The following TDRD5 variants were observed in gnomAD, a reference collection of about 807,000 sequenced individuals.
The protein encoded by TDRD5 is tudor domain-containing protein 5.
TDRD5 carries 41 observed loss-of-function variants against 120.6 expected under a neutral mutation model. The ratio of observed to expected loss-of-function variants is 0.34; its 90% CI spans 0.26 to 0.44. The LOEUF is 0.44. Ranked by LOEUF, TDRD5 falls within the 20% of genes least tolerant of loss-of-function variation. TDRD5 has a pLI of 1.00. For synonymous variants in TDRD5, 430 were observed against 433.7 expected, an observed-to-expected ratio of 0.99 and a Z score of 0.11; for missense variants, 1,006 against 1,221.2, an observed-to-expected ratio of 0.82 and a Z score of 2.63.
chr1:179,649,517 C>A (rs1026198367), intron 11 of TDRD5, among the ~76,000 whole-genome samples: 2 of 152,038 alleles, frequency 1.3e-5, no homozygotes, highest in African/African-American at 2.4e-5. Context: ...TGATCTGTTA[C>A]TGAATTAACC....
chr1:179,636,093 T>G (rs1299246510), intron 9 of TDRD5, among the ~76,000 whole-genome samples: 3 of 152,190 alleles, frequency 2.0e-5, no homozygotes, highest in Non-Finnish European at 4.4e-5. Flanking sequence ...GAAAATAACT[T>G]TTTGTTTAAA....
chr1:179,635,645 A>ATT lies in TDRD5; in HGVS notation c.1300-13_1300-12dup, dbSNP rs538293367. The ATT allele has an allele frequency of 9.9e-6, 15 of 1,518,122 alleles. No individual in the cohort carries two copies. In the South Asian group the frequency reaches 1.4e-4, roughly 14 times the overall value. 94.0% of individuals were successfully genotyped at this position (1,518,122 alleles called of 1,614,324 possible). A position where few individuals can be genotyped will look rare whatever the true frequency, so the allele number is the denominator to read the frequency against. On this transcript the variant is annotated intron_variant, in intron 8 of 17. Coordinates refer to ENST00000444136, the MANE Select transcript of TDRD5 (RefSeq NM_001199085.3). ...TTGAAATGTCACCAAGAGATTTTTAATTTTTTTTTTCTAACTTATAGCAAG... is the reference window on the plus strand; with the variant it reads ...TTGAAATGTCACCAAGAGATTTTTAATTTTTTTTTTTTCTAACTTATAGCAAG...
At chr1:179,618,360 A>G (rs1676668293) in intron 4 of TDRD5, among the ~76,000 whole-genome samples, 1 of 152,218 alleles carries the variant, frequency 6.6e-6, no homozygotes, top group Non-Finnish European at 1.5e-5. Context: ...AATAATTGTT[A>G]GAGAATGTTT....
intron 11 of TDRD5, among the ~76,000 whole-genome samples, chr1:179,641,680 T>TA (rs1409325342): frequency 6.6e-6 from 1 of 152,234 alleles, no homozygotes; most frequent in Non-Finnish European, 1.5e-5. Context: ...TTTTCAGCAT[T>TA]ACTTAAAATA....
intron 4 of TDRD5, among the ~76,000 whole-genome samples, chr1:179,602,657 T>C (rs545875263): frequency 6.6e-6 from 1 of 152,202 alleles, no homozygotes; most frequent in Non-Finnish European, 1.5e-5. Flanking sequence ...TTTATATTTT[T>C]GTTTGTTTTG....
At chr1:179,686,608 G>A (rs1283750687) in intron 17 of TDRD5, among the ~76,000 whole-genome samples, 1 of 152,186 alleles carries the variant, frequency 6.6e-6, no homozygotes, top group Non-Finnish European at 1.5e-5. Flanking sequence ...AATAGTTTCA[G>A]AAGGAATGGT....
At chr1:179,648,500 C>T (rs553114417) in intron 11 of TDRD5, among the ~76,000 whole-genome samples, 11 of 136,898 alleles carry the variant, frequency 8.0e-5, no homozygotes, top group Middle Eastern at 3.3e-3. Flanking sequence ...TGCTAGATGA[C>T]GAGTTAGTGG....
At chr1:179,608,688 TAAC>T (rs1330509821) in intron 4 of TDRD5, among the ~76,000 whole-genome samples, 1 of 152,088 alleles carries the variant, frequency 6.6e-6, no homozygotes, top group East Asian at 1.9e-4. Flanking sequence ...AGGTTTGTAA[TAAC>T]TGTTTTAGAG....
At chr1:179,667,376 A>C (rs186992958) in intron 16 of TDRD5, among the ~76,000 whole-genome samples, 2 of 152,190 alleles carry the variant, frequency 1.3e-5, no homozygotes, top group Non-Finnish European at 2.9e-5. Flanking sequence ...ATGTTTCTGT[A>C]TATTATCTAT....
chr1:179,621,521 T>A (rs1676843313), intron 6 of TDRD5, among the ~76,000 whole-genome samples: 1 of 152,038 alleles, frequency 6.6e-6, no homozygotes, highest in Non-Finnish European at 1.5e-5. Context: ...CTCTTGCACA[T>A]GTACGCATGA....
intron 10 of TDRD5, 57 bp from the exon 11 acceptor site, chr1:179,640,322 A>G: frequency 6.3e-7 from 1 of 1,582,036 alleles, no homozygotes; most frequent in East Asian, 2.2e-5. Context: ...TCATGCTAAG[A>G]GGTGCATTTA....
At chr1:179,635,026 C>A (rs1677689078) in intron 8 of TDRD5, among the ~76,000 whole-genome samples, 2 of 152,210 alleles carry the variant, frequency 1.3e-5, no homozygotes, top group Admixed American at 1.3e-4. Context: ...TCTTGCATCT[C>A]CACACACAGT....
chr1:179,594,815 C>T (rs566420499), intron 3 of TDRD5, among the ~76,000 whole-genome samples: 34 of 152,318 alleles, frequency 2.2e-4, no homozygotes, highest in Middle Eastern at 3.4e-3. Flanking sequence ...CTGGAGGCCA[C>T]TAAGTGTTTC....
Position 179,690,769 on chromosome 1 carries a change from G to A in TDRD5, c.2934G>A (p.Lys978=), listed in dbSNP as rs1393502220. The A allele has an allele frequency of 4.3e-6, 7 of 1,614,232 alleles. No homozygotes were observed. In the Admixed American group the frequency reaches 5.0e-5, roughly 12 times the overall value. ...SSRAITLYKD[K]RQESVDQLSL... ...GTGCTATTACATTGTACAAAGACAA[G>A]CGTCAAGAATCTGTAGACCAGCTGT... Residue 978 remains lysine, a synonymous_variant, in exon 18 of 18, where the codon AAG becomes AAA. Coordinates refer to ENST00000444136, the MANE Select transcript of TDRD5 (RefSeq NM_001199085.3).
In TDRD5 at chr1:179,659,572, TG is replaced by T. The variant is rs1558413261; in HGVS notation, c.2323-2531del. ...TTTCGTGTGTGTGTGTGTGTGTGTG[TG>T]TGTGTGTGTGTGTGTGTGCGCGCGC... On this transcript the variant is annotated intron_variant, in intron 14 of 17. Coordinates refer to ENST00000444136, the MANE Select transcript of TDRD5 (RefSeq NM_001199085.3). Among the ~76,000 whole-genome samples, 323 of 141,696 alleles carry T rather than the reference TG, an allele frequency of 2.3e-3. 6 individuals are homozygous for T. Among genetic ancestry groups the T allele is most frequent in the African/African-American group, 7.9e-3 (313 of 39,626 alleles). 93.0% of individuals were successfully genotyped at this position (141,696 alleles called of 152,430 possible).
At chr1:179,634,182 A>AC (rs1411250385) in intron 7 of TDRD5, among the ~76,000 whole-genome samples, 4 of 151,642 alleles carry the variant, frequency 2.6e-5, no homozygotes, top group Admixed American at 2.6e-4. Context: ...AAAAACAAAA[A>AC]AACAAAAAAA....
intron 17 of TDRD5, among the ~76,000 whole-genome samples, chr1:179,681,084 T>C (rs76131328): frequency 0.02 from 2,981 of 151,944 alleles, 75 homozygotes; most frequent in African/African-American, 0.067. Context: ...CTATCTACAT[T>C]TTTATGTTTT....
rs1677660138 is a variant in TDRD5, at chr1:179,634,615, A to C, written c.1285A>C (p.Lys429Gln). 4 of 1,611,354 alleles carry C rather than the reference A, an allele frequency of 2.5e-6. No individual in the cohort carries two copies. Among genetic ancestry groups the C allele is most frequent in the Non-Finnish European group, 3.4e-6 (4 of 1,179,336 alleles). Residue 429 changes from lysine to glutamine, a missense_variant, in exon 8 of 18, where the codon AAG (lysine) becomes CAG (glutamine). Around this residue, in one of 3 missense-constraint regions of TDRD5, gnomAD observed 445 missense variants for 515.5 expected, o/e 0.86. Coordinates refer to ENST00000444136, the MANE Select transcript of TDRD5 (RefSeq NM_001199085.3). ...KICKKPNLVV[K>Q]PLQLQVETNK... ...TTGCAAGAAGCCTAATCTGGTGGTA[A>C]AGCCTTTACAGCTGGTGAGTGAGGT... is the stretch of plus-strand genomic sequence containing the variant.
rs755721033 is a variant in TDRD5 at position 179,592,767 on chromosome 1, G to T, written c.152G>T (p.Arg51Leu). 1.9e-6 allele frequency: 3 copies of T among 1,614,126 alleles called. No individual in the cohort carries two copies. Among genetic ancestry groups the T allele is most frequent in the South Asian group, 1.1e-5 (1 of 91,076 alleles). The stretch of plus-strand genomic sequence containing the variant: ...CTACCACTCCGAATCCTTGGGTATC[G>T]GTCCACTATGGAGCTGGTATTGGAC... ...NHLPLRILGY[R>L]STMELVLDMP... The change falls in exon 2 of 18, where the codon CGG becomes CTG. Residue 51 changes from arginine (R) to leucine (L), a missense_variant. Physicochemically the swap from Arg to Leu is moderately radical, Grantham distance 102. This residue lies in a region of TDRD5 where 445 missense variants were observed against 515.5 expected (regional missense o/e 0.86). Transcript: ENST00000444136.
Sources: allele counts gnomAD v4.1 joint callset (sites outside exome capture counted in the v4.1 genomes callset), GRCh38; gene constraint gnomAD v4.1.1; regional missense constraint gnomAD v4.1.1; transcripts MANE v1.5; gene names NCBI Gene and HGNC (gene_info 2026-07-23, HGNC 2026-07-21).